The following EXOG variants were observed in gnomAD, a reference collection of about 807,000 sequenced individuals.
The protein encoded by EXOG is exo/endonuclease G, also known as nuclease EXOG, mitochondrial.
A neutral mutation model predicts 25.8 loss-of-function variants in EXOG; 27 were observed. The ratio of observed to expected loss-of-function variants is 1.05; its 90% CI spans 0.77 to 1.45. The LOEUF (loss-of-function observed/expected upper bound fraction) is 1.45. EXOG is among the 40% of genes most tolerant of loss of function. The pLI is 0.00. For synonymous variants in EXOG, 133 were observed against 167.0 expected (o/e 0.80, Z 1.57); for missense variants, 458 against 450.5 (o/e 1.02, Z -0.15).
At chr3:38,504,858 T>G (rs1202664272) in intron 4 of EXOG, among the ~76,000 whole-genome samples, 1 of 152,196 alleles carries the variant, frequency 6.6e-6, no homozygotes, top group Non-Finnish European at 1.5e-5. Context: ...TTCAGGCTAT[T>G]GTGTTTTTCC....
rs1454053108 is a variant in EXOG, at chr3:38,525,025, CTTT to C, written c.*667_*669del. 2.0e-6 allele frequency: 2 copies of C among 985,254 alleles called. No homozygotes were observed. Among genetic ancestry groups the C allele is most frequent in the African/African-American group, 1.7e-5 (1 of 57,216 alleles). The allele number at this position is 985,254 out of a possible 1,614,324, so 61.0% of individuals were successfully genotyped here. On this transcript the variant is annotated 3_prime_UTR_variant, in exon 6 of 6. Transcript: ENST00000287675. ...GTCCACATGCACTATATATTTGTTT[CTTT>C]TTTCTCCTCTCATGAATCTGCTCGT...
intron 4 of EXOG, among the ~76,000 whole-genome samples, chr3:38,504,727 C>T (rs1575621854): frequency 6.6e-6 from 1 of 152,294 alleles, no homozygotes; most frequent in East Asian, 1.9e-4. Flanking sequence ...AGCCACCACG[C>T]ACGGCCACTA....
At chr3:38,497,912 T>A in intron 2 of EXOG, 134 bp downstream of exon 2, 1 of 1,172,178 alleles carries the variant, frequency 8.5e-7, no homozygotes, top group Non-Finnish European at 1.2e-6. Context: ...TTTATATAAC[T>A]TACTGGTTAA....
Position 38,523,042 on chromosome 3 carries a change from T to C in EXOG, c.646-859T>C, listed in dbSNP as rs117702204. On this transcript the variant is annotated intron_variant, in intron 5 of 5. Coordinates refer to ENST00000287675, the MANE Select transcript of EXOG (RefSeq NM_005107.4). ...GCATTTACATTTATGTAATTTAATT[T>C]TAAAAATTAGCCCTAATTGAAGTGA... The C allele has an allele frequency of 2.8e-4, 113 of 398,454 alleles. 1 individual carries two copies. The East Asian group carries it at 5.5e-3, about 19-fold the overall frequency. The allele number at this position is 398,454 out of a possible 1,614,324, so 24.7% of individuals were successfully genotyped here. A position where few individuals can be genotyped will look rare whatever the true frequency, so the allele number is the denominator to read the frequency against.
At chr3:38,502,164 A>C (rs1575614740) in intron 3 of EXOG, among the ~76,000 whole-genome samples, 1 of 151,780 alleles carries the variant, frequency 6.6e-6, no homozygotes, top group Admixed American at 6.6e-5. Context: ...CAGGTGATCC[A>C]CCTGCCTCGG....
chr3:38,522,118 G>C (rs774376047), intron 5 of EXOG, among the ~76,000 whole-genome samples: 2 of 152,102 alleles, frequency 1.3e-5, no homozygotes, highest in African/African-American at 4.8e-5. Context: ...CAGTAACTTC[G>C]AAGACAGTTG....
chr3:38,507,287 T>C (rs2060229899), intron 5 of EXOG, among the ~76,000 whole-genome samples: 1 of 152,218 alleles, frequency 6.6e-6, no homozygotes, highest in African/African-American at 2.4e-5. Flanking sequence ...AAAGGACTGA[T>C]GGGCTCTACT....
In EXOG at chr3:38,525,626, T is replaced by G; in HGVS notation, c.*1264T>G. The G allele has an allele frequency of 1.0e-6, 1 of 985,426 alleles. No individual in the cohort carries two copies. The highest frequency in any genetic ancestry group is 1.7e-5 in the African/African-American group (1 of 57,356). The allele number at this position is 985,426 out of a possible 1,614,324, so 61.0% of individuals were successfully genotyped here. On this transcript the variant is annotated 3_prime_UTR_variant, in exon 6 of 6. Coordinates refer to ENST00000287675, the MANE Select transcript of EXOG (RefSeq NM_005107.4). ...GTTCTTGCTTTCCAGGTGAGCTTTT[T>G]GTTCTTAAGATTAAGAAACCTATGA...
chr3:38,497,971 A>ATAT lies in EXOG; in HGVS notation c.313+193_313+194insTAT. ...AAGCCAGACCCTTTCCAGCTGTCTC[A>ATAT]GGGCTGAAAATACCCATATCTTGAC... is the stretch of plus-strand genomic sequence containing the variant. On this transcript the variant is annotated intron_variant, in intron 2 of 5. Transcript: ENST00000287675. The ATAT allele has an allele frequency of 8.2e-6, 5 of 610,594 alleles. No individual in the cohort carries two copies. In the South Asian group the frequency reaches 1.2e-4, roughly 15 times the overall value. 37.8% of individuals were successfully genotyped at this position (610,594 alleles called of 1,614,324 possible).
chr3:38,502,859 C>T (rs542702750), intron 3 of EXOG, among the ~76,000 whole-genome samples: 30 of 152,150 alleles, frequency 2.0e-4, no homozygotes, highest in Admixed American at 2.0e-4. Context: ...ACAATTGTTG[C>T]GTAAACTATT....
chr3:38,517,406 A>G (rs1354211553), intron 5 of EXOG, among the ~76,000 whole-genome samples: 2 of 152,112 alleles, frequency 1.3e-5, no homozygotes, highest in Non-Finnish European at 2.9e-5. Flanking sequence ...AGCATTTCCT[A>G]CTTTCTGGTA....
chr3:38,497,625 T>A lies in EXOG; in HGVS notation c.164-4T>A, dbSNP rs370105039. On this transcript the variant is annotated splice_region_variant and splice_polypyrimidine_tract_variant and intron_variant, in intron 1 of 5. Transcript: ENST00000287675. ...CCCCCTTTTTTTTTTTTTTTCATTT[T>A]TAGGATCTGCAGAAAAGGCTGTCTT... is the stretch of plus-strand genomic sequence containing the variant. 3.8e-6 allele frequency: 6 copies of A among 1,566,056 alleles called. No individual in the cohort carries two copies. The highest frequency in any genetic ancestry group is 5.1e-6 in the Non-Finnish European group (6 of 1,166,588).
intron 2 of EXOG, chr3:38,498,083 T>A: frequency 7.2e-6 from 2 of 279,442 alleles, no homozygotes; most frequent in Non-Finnish European, 1.3e-5. Context: ...GCCTGCTATG[T>A]GTCTGGCACT....
chr3:38,503,655 C>T lies in EXOG; in HGVS notation c.494C>T (p.Pro165Leu). ...ACCTTTTACCTTTCTAACATTGTGC[C>T]TCAGGATTTTGATAATAATTCTGGA... ...AETFYLSNIVPQDFDNNSGYW... is the reference protein window; with the variant it reads ...AETFYLSNIVLQDFDNNSGYW... Residue 165 changes from proline (P) to leucine (L), a missense_variant, in exon 4 of 6, where the codon CCT (proline) becomes CTT (leucine). Pro to Leu is a moderately conservative substitution (Grantham distance 98). Around this residue, in one of 3 missense-constraint regions of EXOG, gnomAD observed 275 missense variants for 230.5 expected, o/e 1.19. Coordinates refer to ENST00000287675, the MANE Select transcript of EXOG (RefSeq NM_005107.4). 6.2e-7 allele frequency: 1 copy of T among 1,607,626 alleles called. No individual in the cohort carries two copies.
chr3:38,524,090 G>A lies in EXOG; in HGVS notation c.835G>A (p.Val279Met). The A allele has an allele frequency of 1.1e-5, 17 of 1,614,148 alleles. No individual in the cohort carries two copies. Among genetic ancestry groups the A allele is most frequent in the East Asian group, 2.2e-5 (1 of 44,880 alleles). Residue 279 changes from valine (V) to methionine (M), a missense_variant, in exon 6 of 6, where the codon GTG becomes ATG. Val to Met is a conservative substitution (Grantham distance 21). This residue lies in a region of EXOG where 178 missense variants were observed against 203.7 expected (regional missense o/e 0.87). Transcript: ENST00000287675. Reference sequence around the variant, plus strand: ...GGACCTAGAGAAGTTGTCAGGACTGGTGTTTTTTCCTCATTTGGATAGAAC... The same window carrying A: ...GGACCTAGAGAAGTTGTCAGGACTGATGTTTTTTCCTCATTTGGATAGAAC... ...LQDLEKLSGL[V>M]FFPHLDRTSD...
chr3:38,519,900 C>A (rs564102831), intron 5 of EXOG, among the ~76,000 whole-genome samples: 1 of 152,338 alleles, frequency 6.6e-6, no homozygotes, highest in South Asian at 2.1e-4. Flanking sequence ...CCTTCCCCCC[C>A]TCAGGTTCGG....
intron 5 of EXOG, among the ~76,000 whole-genome samples, chr3:38,513,277 A>C (rs1390674469): frequency 6.6e-6 from 1 of 152,236 alleles, no homozygotes; most frequent in Non-Finnish European, 1.5e-5. Context: ...ACACATCTTC[A>C]AATCACTGTA....
chr3:38,513,091 C>G (rs988168545), intron 5 of EXOG, among the ~76,000 whole-genome samples: 1 of 152,196 alleles, frequency 6.6e-6, no homozygotes, highest in Non-Finnish European at 1.5e-5. Context: ...CGTGAGCCAC[C>G]ACACCTGACT....
intron 5 of EXOG, 116 bp from the exon 6 acceptor site, chr3:38,523,785 A>G: frequency 1.5e-6 from 1 of 646,564 alleles, no homozygotes; most frequent in Non-Finnish European, 2.6e-6. Context: ...TCATTAGAAC[A>G]GAGTGGGATG....
Sources: allele counts gnomAD v4.1 joint callset (sites outside exome capture counted in the v4.1 genomes callset), GRCh38; gene constraint gnomAD v4.1.1; regional missense constraint gnomAD v4.1.1; transcripts MANE v1.5; gene names NCBI Gene and HGNC (gene_info 2026-07-23, HGNC 2026-07-21).